The following NELL1 variants were observed in gnomAD, a reference collection of about 807,000 sequenced individuals.
The protein encoded by NELL1 is neural EGFL like 1, also known as protein kinase C-binding protein NELL1.
Under a neutral mutation model 107.4 loss-of-function variants are expected in NELL1, and 76 were observed. That is an observed-to-expected ratio of 0.71 (90% CI 0.59 to 0.86). The LOEUF is 0.86. Among genes scored for constraint, NELL1 ranks in the 40% least tolerant of loss-of-function variants. NELL1 has a pLI of 0.00. For missense variants in NELL1, 1,024 were observed against 1,005.5 expected, an observed-to-expected ratio of 1.02 and a Z score of -0.25; for synonymous variants, 353 against 341.2, an observed-to-expected ratio of 1.03 and a Z score of -0.38.
intron 12 of NELL1, among the ~76,000 whole-genome samples, chr11:20,988,393 A>G (rs1254949786): frequency 6.6e-6 from 1 of 151,268 alleles, no homozygotes; most frequent in Non-Finnish European, 1.5e-5. Context: ...ATGTGTATAT[A>G]TATACATATC....
intron 12 of NELL1, among the ~76,000 whole-genome samples, chr11:21,030,169 T>C (rs1565023347): frequency 6.6e-6 from 1 of 152,160 alleles, no homozygotes; most frequent in Non-Finnish European, 1.5e-5. Context: ...AGAAAAGACT[T>C]GGTGAAACAG....
At chr11:20,868,217 T>A (rs1849130417) in intron 4 of NELL1, among the ~76,000 whole-genome samples, 1 of 152,186 alleles carries the variant, frequency 6.6e-6, no homozygotes, top group African/African-American at 2.4e-5. Flanking sequence ...AGAGGTGGGA[T>A]TGAAACCCAG....
At chr11:21,520,662 C>T (rs777969684) in intron 15 of NELL1, among the ~76,000 whole-genome samples, 1 of 152,100 alleles carries the variant, frequency 6.6e-6, no homozygotes, top group East Asian at 1.9e-4. Flanking sequence ...GAGAGGTAAG[C>T]AGGGTTAAGG....
intron 13 of NELL1, among the ~76,000 whole-genome samples, chr11:21,151,772 T>C (rs7128983): frequency 0.3 from 46,181 of 152,164 alleles, 7,678 homozygotes; most frequent in East Asian, 0.56. Context: ...TCTGTATCAG[T>C]TGATTTAGAA....
chr11:21,370,533 C>G (rs982266971), intron 14 of NELL1, among the ~76,000 whole-genome samples: 6 of 152,006 alleles, frequency 3.9e-5, no homozygotes, highest in Admixed American at 2.0e-4. Context: ...CCTACCCTTC[C>G]TAGTTACTCA....
At chr11:20,763,150 G>C (rs1171460737) in intron 2 of NELL1, among the ~76,000 whole-genome samples, 1 of 151,930 alleles carries the variant, frequency 6.6e-6, no homozygotes, top group African/African-American at 2.4e-5. Flanking sequence ...TCTCCTCCCT[G>C]GGGATTCGGC....
At chr11:21,087,701 G>T (rs1284566802) in intron 12 of NELL1, among the ~76,000 whole-genome samples, 1 of 152,174 alleles carries the variant, frequency 6.6e-6, no homozygotes, top group Admixed American at 6.5e-5. Context: ...TTTCCCTTTA[G>T]ATTAGGAGTC....
intron 12 of NELL1, among the ~76,000 whole-genome samples, chr11:21,098,345 G>C (rs1285859201): frequency 2.6e-5 from 4 of 152,156 alleles, no homozygotes; most frequent in East Asian, 1.9e-4. Context: ...TACATGTCAG[G>C]GTCCTTTATT....
chr11:20,976,172 G>A (rs148678676), intron 12 of NELL1, among the ~76,000 whole-genome samples: 37 of 106,850 alleles, frequency 3.5e-4, no homozygotes, highest in South Asian at 8.9e-4. Flanking sequence ...CATTATATCT[G>A]TACATATATA....
intron 14 of NELL1, among the ~76,000 whole-genome samples, chr11:21,340,284 C>T (rs111426936): frequency 0.033 from 5,037 of 151,958 alleles, 113 homozygotes; most frequent in Admixed American, 0.083. Context: ...TCCCGAGTAG[C>T]TGGGACTACA....
chr11:20,943,599 A>G (rs1173923764), intron 10 of NELL1, among the ~76,000 whole-genome samples: 1 of 152,068 alleles, frequency 6.6e-6, no homozygotes, highest in African/African-American at 2.4e-5. Flanking sequence ...AAACCCAACA[A>G]AACAAAAAAC....
At chr11:21,434,198 T>C (rs991455313) in intron 15 of NELL1, among the ~76,000 whole-genome samples, 2 of 152,196 alleles carry the variant, frequency 1.3e-5, no homozygotes, top group African/African-American at 4.8e-5. Flanking sequence ...TTGATTGATA[T>C]AGCCCCATTT....
chr11:20,709,880 G>A (rs1364735373), intron 2 of NELL1, among the ~76,000 whole-genome samples: 1 of 152,120 alleles, frequency 6.6e-6, no homozygotes. Flanking sequence ...CAGTGCTACT[G>A]ATTTGTGTAC....
At chr11:20,797,973 T>G (rs1331550833) in intron 3 of NELL1, among the ~76,000 whole-genome samples, 10 of 152,202 alleles carry the variant, frequency 6.6e-5, no homozygotes, top group African/African-American at 2.4e-4. Context: ...GGTTAAAAGC[T>G]GAAAATGTGG....
intron 15 of NELL1, among the ~76,000 whole-genome samples, chr11:21,404,834 A>G (rs1852195984): frequency 6.6e-6 from 1 of 152,022 alleles, no homozygotes; most frequent in South Asian, 2.1e-4. Flanking sequence ...CCTGAATATC[A>G]GCCCTGGGGG....
chr11:21,242,866 T>C (rs555248919), intron 14 of NELL1, among the ~76,000 whole-genome samples: 1 of 152,276 alleles, frequency 6.6e-6, no homozygotes, highest in East Asian at 1.9e-4. Flanking sequence ...AATCATTAAA[T>C]ATCTTTTGAG....
intron 5 of NELL1, among the ~76,000 whole-genome samples, chr11:20,910,306 C>T (rs1459840040): frequency 6.6e-6 from 1 of 152,160 alleles, no homozygotes; most frequent in East Asian, 1.9e-4. Flanking sequence ...CAGTGCTTTA[C>T]TGATCAAAGC....
At chr11:20,881,555 T>C (rs1413962247) in intron 4 of NELL1, among the ~76,000 whole-genome samples, 2 of 152,216 alleles carry the variant, frequency 1.3e-5, no homozygotes, top group Non-Finnish European at 2.9e-5. Flanking sequence ...AATTAACATA[T>C]AGAAGCCCTC....
chr11:21,428,549 T>C (rs1190912952), intron 15 of NELL1, among the ~76,000 whole-genome samples: 1 of 152,172 alleles, frequency 6.6e-6, no homozygotes, highest in Non-Finnish European at 1.5e-5. Flanking sequence ...TTATAAAATG[T>C]TTCAGATTAA....
Sources: gnomAD v4.1 joint callset for allele counts (sites outside exome capture counted in the v4.1 genomes callset) on GRCh38, gnomAD v4.1.1 for gene constraint, MANE v1.5 for transcripts, NCBI Gene and HGNC (gene_info 2026-07-23, HGNC 2026-07-21) for gene names.